The following ASPA variants were observed in gnomAD, a reference collection of about 807,000 sequenced individuals.
ASPA encodes the protein ACY-2.
Under a neutral mutation model 29.6 loss-of-function variants are expected in ASPA, and 25 were observed. The ratio of observed to expected loss-of-function variants is 0.85; its 90% CI spans 0.62 to 1.18. The LOEUF (loss-of-function observed/expected upper bound fraction) is 1.18, where lower values mean the gene tolerates loss of function less well. ASPA is among the 50% of genes most tolerant of loss of function. The probability of loss-of-function intolerance (pLI) is 0.00; values close to 1 mark genes in which losing one functional copy is unlikely to be tolerated. For missense variants in ASPA, 333 were observed against 385.7 expected (o/e 0.86, Z 1.14); for synonymous variants, 131 against 130.3 (o/e 1.01, Z -0.04).
intron 1 of ASPA, among the ~76,000 whole-genome samples, chr17:3,479,647 C>T (rs1240313311): frequency 5.3e-5 from 8 of 152,026 alleles, no homozygotes; most frequent in Non-Finnish European, 1.0e-4. Context: ...TGCACCGACT[C>T]GACGTGGTCC....
chr17:3,495,209 T>C (rs2073889979), intron 5 of ASPA, among the ~76,000 whole-genome samples: 1 of 152,194 alleles, frequency 6.6e-6, no homozygotes, highest in African/African-American at 2.4e-5. Flanking sequence ...GCAAGTGGCC[T>C]GCACACTCCC....
At chr17:3,494,118 C>A (rs2073871204) in intron 4 of ASPA, among the ~76,000 whole-genome samples, 2 of 151,490 alleles carry the variant, frequency 1.3e-5, no homozygotes. Context: ...CTCCACCTCC[C>A]AGGTTCAAGA....
At chr17:3,498,238 C>G (rs537527831) in intron 5 of ASPA, among the ~76,000 whole-genome samples, 1 of 152,324 alleles carries the variant, frequency 6.6e-6, no homozygotes, top group Non-Finnish European at 1.5e-5. Flanking sequence ...TTAACTTGAG[C>G]TGGCAACAGG....
At chr17:3,493,067 G>A (rs899747111) in intron 4 of ASPA, among the ~76,000 whole-genome samples, 2 of 152,270 alleles carry the variant, frequency 1.3e-5, no homozygotes, top group East Asian at 1.9e-4. Flanking sequence ...ACCATAACAC[G>A]CTGTGGGCCC....
At position 3,498,981 on chromosome 17, in the gene ASPA, T is replaced by C. The variant is rs145717248; in HGVS notation, c.835T>C (p.Tyr279His). The C allele has an allele frequency of 1.9e-6, 3 of 1,614,116 alleles. No homozygotes were observed. In the African/African-American group the frequency reaches 4.0e-5, roughly 22 times the overall value. Residue 279 changes from tyrosine to histidine, a missense_variant, in exon 6 of 6, where the codon TAC (tyrosine) becomes CAC (histidine). Coordinates refer to ENST00000263080, the MANE Select transcript of ASPA (RefSeq NM_000049.4). ...CCCACTGGGCGGAGACTGTACCGTG[T>C]ACCCCGTGTTTGTGAATGAGGCCGC... ...TIPLGGDCTV[Y>H]PVFVNEAAYY...
chr17:3,486,478 T>C (rs934956308), intron 3 of ASPA, among the ~76,000 whole-genome samples: 3 of 152,218 alleles, frequency 2.0e-5, no homozygotes, highest in Non-Finnish European at 2.9e-5. Context: ...TTGTCATCTA[T>C]TCACTTGTTT....
At chr17:3,474,551 G>A (rs575704259), upstream of ASPA, among the ~76,000 whole-genome samples, 9 of 152,254 alleles carry the variant, frequency 5.9e-5, no homozygotes, top group South Asian at 1.9e-3. Flanking sequence ...AGTGTACATG[G>A]ATGTGGACAG....
chr17:3,489,168 A>G (rs573646986), intron 3 of ASPA, 67 bp from the exon 4 acceptor site: 9 of 972,726 alleles, frequency 9.3e-6, no homozygotes, highest in Admixed American at 5.7e-5. Flanking sequence ...TGATACATTA[A>G]AATGCTTAGT....
rs192580501 is a variant in ASPA at position 3,484,918 on chromosome 17, C to A, written c.526+1326C>A. Among the ~76,000 whole-genome samples, 363 of 152,308 alleles carry A rather than the reference C, an allele frequency of 2.4e-3. 2 individuals are homozygous for A. The highest frequency in any genetic ancestry group is 8.5e-3 in the African/African-American group (353 of 41,558). ...TATCTTAGCACTCTCTGTTCCCTAT[C>A]CCCTTCTGCAGGCTGATAATGTATG... On this transcript the variant is annotated intron_variant, in intron 3 of 5. Transcript: ENST00000263080.
chr17:3,498,749 T>C, intron 5 of ASPA, 142 bp from the exon 6 acceptor site: 2 of 772,624 alleles, frequency 2.6e-6, no homozygotes, highest in Non-Finnish European at 3.8e-6. Context: ...GTCAGATCAC[T>C]TGCCTGCATC....
intron 5 of ASPA, among the ~76,000 whole-genome samples, chr17:3,497,165 T>G: frequency 6.6e-6 from 1 of 152,156 alleles, no homozygotes; most frequent in Non-Finnish European, 1.5e-5. Flanking sequence ...CACCAGGTGA[T>G]TTTCATGTGG....
intron 5 of ASPA, among the ~76,000 whole-genome samples, chr17:3,494,801 A>C (rs2073883455): frequency 6.6e-6 from 1 of 152,202 alleles, no homozygotes; most frequent in Admixed American, 6.5e-5. Context: ...CCACTTAGAG[A>C]AAGTGAAACT....
At chr17:3,479,368 G>A (rs1355853637) in intron 1 of ASPA, among the ~76,000 whole-genome samples, 1 of 152,210 alleles carries the variant, frequency 6.6e-6, no homozygotes, top group Non-Finnish European at 1.5e-5. Flanking sequence ...ACCTCAGGGG[G>A]TTATTTCATG....
chr17:3,491,630 T>A (rs2073825934), intron 4 of ASPA, among the ~76,000 whole-genome samples: 1 of 151,816 alleles, frequency 6.6e-6, no homozygotes, highest in South Asian at 2.1e-4. Context: ...CGCCTATAAT[T>A]CCAGCTACTC....
rs578082972 is a variant in ASPA at position 3,492,469 on chromosome 17, C to A, written c.635-1881C>A. Among the ~76,000 whole-genome samples, 5 of 152,174 alleles carry A rather than the reference C, an allele frequency of 3.3e-5. No individual in the cohort carries two copies. In the South Asian group the frequency reaches 6.2e-4, roughly 19 times the overall value. On this transcript the variant is annotated intron_variant, in intron 4 of 5. Transcript: ENST00000263080. ...AAGGTGTGGTAGATTTTAATTCTTCCCTTTCCCGCGTCCACATCCTGGCAG... is the reference window on the plus strand; with the variant it reads ...AAGGTGTGGTAGATTTTAATTCTTCACTTTCCCGCGTCCACATCCTGGCAG...
At chr17:3,481,020 G>A (rs981828438) in intron 1 of ASPA, among the ~76,000 whole-genome samples, 4 of 152,194 alleles carry the variant, frequency 2.6e-5, no homozygotes, top group African/African-American at 4.8e-5. Flanking sequence ...CTACTCAGGA[G>A]GCTGAGATGG....
chr17:3,486,711 A>C (rs145437317), intron 3 of ASPA, among the ~76,000 whole-genome samples: 4 of 152,340 alleles, frequency 2.6e-5, no homozygotes, highest in African/African-American at 9.6e-5. Context: ...AGCCAGGAGT[A>C]ATGTAATTTA....
At position 3,489,359 on chromosome 17, in the gene ASPA, GT is replaced by G. The variant is rs745752959; in HGVS notation, c.634+18del. 54 of 1,561,428 alleles carry G rather than the reference GT, an allele frequency of 3.5e-5. No homozygotes were observed. Among genetic ancestry groups the G allele is most frequent in the Admixed American group, 5.0e-5 (3 of 59,890 alleles). On this transcript the variant is annotated intron_variant, in intron 4 of 5. Coordinates refer to ENST00000263080, the MANE Select transcript of ASPA (RefSeq NM_000049.4). ...TCAATGAAGGTAAGTAATAATGAAG[GT>G]AACGTTATCAAACTTAACCACCAAA...
intron 5 of ASPA, among the ~76,000 whole-genome samples, chr17:3,498,106 G>A (rs191893869): frequency 1.2e-4 from 18 of 152,140 alleles, no homozygotes; most frequent in Admixed American, 3.9e-4. Context: ...ACCAATCCCC[G>A]TCAGAATAGA....
Sources: gnomAD v4.1 joint callset for allele counts (sites outside exome capture counted in the v4.1 genomes callset) on GRCh38, gnomAD v4.1.1 for gene constraint, MANE v1.5 for transcripts, NCBI Gene and HGNC (gene_info 2026-07-23, HGNC 2026-07-21) for gene names.